Variants in SLC9A4 observed in about 807,000 individuals in gnomAD.
The protein encoded by SLC9A4 is solute carrier family 9 member A4.
In SLC9A4, 63 loss-of-function variants were observed where a neutral mutation model predicts 67.4. That is an observed-to-expected ratio of 0.93 (90% CI 0.76 to 1.15). The LOEUF is 1.15. Ranked by LOEUF, SLC9A4 falls within the 50% of genes most tolerant of loss-of-function variation. SLC9A4 has a pLI of 0.00. For synonymous variants in SLC9A4, 393 were observed against 367.2 expected, an observed-to-expected ratio of 1.07 and a Z score of -0.80; for missense variants, 1,089 against 987.7, an observed-to-expected ratio of 1.10 and a Z score of -1.38.
chr2:102,502,033 C>T (rs1050423282), intron 2 of SLC9A4, among the ~76,000 whole-genome samples: 1 of 152,098 alleles, frequency 6.6e-6, no homozygotes, highest in African/African-American at 2.4e-5. Context: ...CCACGATTTC[C>T]TTGAGTTTTA....
chr2:102,519,439 A>C (rs545439639), intron 8 of SLC9A4, among the ~76,000 whole-genome samples: 1 of 152,220 alleles, frequency 6.6e-6, no homozygotes, highest in Non-Finnish European at 1.5e-5. Context: ...CAAAACTAGC[A>C]AAGAGTTTGT....
chr2:102,495,934 T>G (rs2104426527), intron 2 of SLC9A4, among the ~76,000 whole-genome samples: 1 of 152,248 alleles, frequency 6.6e-6, no homozygotes, highest in East Asian at 1.9e-4. Context: ...AAGTAAAATC[T>G]TTATGACTAT....
chr2:102,524,992 C>T lies in SLC9A4; in HGVS notation c.1819-32C>T, dbSNP rs1382036458. The T allele has an allele frequency of 9.9e-6, 16 of 1,612,694 alleles. No homozygotes were observed. The East Asian group carries it at 3.3e-4, about 34-fold the overall frequency. On this transcript the variant is annotated intron_variant, in intron 9 of 11. Coordinates refer to ENST00000295269, the MANE Select transcript of SLC9A4 (RefSeq NM_001011552.4). Reference sequence around the variant, plus strand: ...TGGCTGAAAGTTGTATGGAGGAGTCCTTACGTATTTGACATTCCATTTTCT... The same window carrying T: ...TGGCTGAAAGTTGTATGGAGGAGTCTTTACGTATTTGACATTCCATTTTCT...
intron 8 of SLC9A4, among the ~76,000 whole-genome samples, chr2:102,519,609 CT>C (rs1685357884): frequency 6.6e-6 from 1 of 152,056 alleles, no homozygotes; most frequent in African/African-American, 2.4e-5. Flanking sequence ...CACTTTAGAC[CT>C]TTTTAAAAAA....
chr2:102,479,366 C>A, intron 2 of SLC9A4, 64 bp downstream of exon 2: 1 of 1,498,622 alleles, frequency 6.7e-7, no homozygotes, highest in Non-Finnish European at 8.9e-7. Flanking sequence ...GGCTGGGGAC[C>A]GGAGGCTGTG....
intron 1 of SLC9A4, 118 bp downstream of exon 1, chr2:102,474,133 A>T: frequency 8.1e-7 from 1 of 1,228,604 alleles, no homozygotes. Context: ...TTACATTAAA[A>T]ATTCTCTTCC....
At chr2:102,493,843 A>G (rs1001078480) in intron 2 of SLC9A4, among the ~76,000 whole-genome samples, 40 of 152,022 alleles carry the variant, frequency 2.6e-4, no homozygotes, top group African/African-American at 8.2e-4. Context: ...TGTGACAGAA[A>G]AAACAGTTAC....
intron 2 of SLC9A4, among the ~76,000 whole-genome samples, chr2:102,493,281 A>C (rs899586963): frequency 2.6e-5 from 4 of 151,730 alleles, no homozygotes; most frequent in Non-Finnish European, 4.4e-5. Context: ...GTAGTACCCC[A>C]CTCTACCTGT....
Position 102,514,142 on chromosome 2 carries a change from C to G in SLC9A4, c.1612C>G (p.Leu538Val), listed in dbSNP as rs567249685. The change falls in exon 8 of 12, where the codon CTA (leucine) becomes GTA (valine). Residue 538 changes from leucine to valine, a missense_variant. Coordinates refer to ENST00000295269, the MANE Select transcript of SLC9A4 (RefSeq NM_001011552.4). ...ACGGAAAATCCTCATCAGAAAGAAC[C>G]TACCCAAATCAAGCATTGTTTCTTT... ...YLRKILIRKNLPKSSIVSLYK... is the reference protein window; with the variant it reads ...YLRKILIRKNVPKSSIVSLYK... 5 of 1,613,806 alleles carry G rather than the reference C, an allele frequency of 3.1e-6. No homozygotes were observed. Among genetic ancestry groups the G allele is most frequent in the Non-Finnish European group, 4.2e-6 (5 of 1,179,974 alleles).
rs1684403997 is a variant in SLC9A4 at position 102,479,208 on chromosome 2, T to C, written c.626T>C (p.Val209Ala). ...FGSLISAVDP[V>A]AVLAVFEEAR... is the part of the protein sequence containing the mutation. ...AGCCTGATCTCCGCCGTGGACCCAG[T>C]GGCCGTGCTAGCCGTGTTTGAGGAA... The change falls in exon 2 of 12, where the codon GTG (valine) becomes GCG (alanine). Residue 209 changes from valine (V) to alanine (A), a missense_variant. Coordinates refer to ENST00000295269, the MANE Select transcript of SLC9A4 (RefSeq NM_001011552.4). 6.2e-7 allele frequency: 1 copy of C among 1,614,222 alleles called. No homozygotes were observed. The highest frequency in any genetic ancestry group is 8.5e-7 in the Non-Finnish European group (1 of 1,180,040).
At chr2:102,490,471 T>A (rs1684672846) in intron 2 of SLC9A4, among the ~76,000 whole-genome samples, 1 of 152,216 alleles carries the variant, frequency 6.6e-6, no homozygotes, top group Non-Finnish European at 1.5e-5. Context: ...CCCTAGTATC[T>A]CTTCATTTTC....
intron 2 of SLC9A4, among the ~76,000 whole-genome samples, chr2:102,503,109 T>C (rs541310186): frequency 4.6e-5 from 7 of 152,314 alleles, no homozygotes; most frequent in Admixed American, 1.3e-4. Context: ...AAGGAAAAAT[T>C]GCTTAAAGGA....
At chr2:102,524,951 G>A (rs1558674210) in intron 9 of SLC9A4, 73 bp from the exon 10 acceptor site, 1 of 1,582,560 alleles carries the variant, frequency 6.3e-7, no homozygotes, top group Non-Finnish European at 8.6e-7. Context: ...GGTTCCTGAT[G>A]TTTCCATGGC....
chr2:102,530,177 T>A (rs1674750100), intron 11 of SLC9A4, among the ~76,000 whole-genome samples: 1 of 152,180 alleles, frequency 6.6e-6, no homozygotes, highest in African/African-American at 2.4e-5. Context: ...GTCTGAACAG[T>A]GTATCCTGCA....
At chr2:102,510,704 C>A (rs1252765253) in intron 6 of SLC9A4, among the ~76,000 whole-genome samples, 1 of 152,156 alleles carries the variant, frequency 6.6e-6, no homozygotes, top group Admixed American at 6.5e-5. Flanking sequence ...CTAAAATCAC[C>A]GTTCCAATGA....
At chr2:102,490,337 T>C (rs1272710807) in intron 2 of SLC9A4, among the ~76,000 whole-genome samples, 1 of 152,228 alleles carries the variant, frequency 6.6e-6, no homozygotes, top group African/African-American at 2.4e-5. Context: ...TTTCACATTA[T>C]GGAGGTTGGA....
intron 2 of SLC9A4, among the ~76,000 whole-genome samples, chr2:102,482,382 C>A (rs1238319093): frequency 6.6e-6 from 1 of 152,276 alleles, no homozygotes; most frequent in East Asian, 1.9e-4. Flanking sequence ...TTGAGAGAAA[C>A]TGATATATGT....
intron 11 of SLC9A4, among the ~76,000 whole-genome samples, chr2:102,530,107 A>G (rs1001737408): frequency 6.6e-6 from 1 of 152,160 alleles, no homozygotes; most frequent in Non-Finnish European, 1.5e-5. Context: ...TATGTTACGT[A>G]TATTTTACCA....
At chr2:102,496,375 A>C (rs1684811108) in intron 2 of SLC9A4, among the ~76,000 whole-genome samples, 3 of 152,236 alleles carry the variant, frequency 2.0e-5, no homozygotes, top group Non-Finnish European at 4.4e-5. Context: ...TCAAGTGCTG[A>C]CAAGGATATG....
Sources: allele counts gnomAD v4.1 joint callset (sites outside exome capture counted in the v4.1 genomes callset), GRCh38; gene constraint gnomAD v4.1.1; transcripts MANE v1.5; gene names NCBI Gene and HGNC (gene_info 2026-07-23, HGNC 2026-07-21).